The following VWC2L variants were observed in gnomAD, a reference collection of about 807,000 sequenced individuals.
VWC2L encodes von Willebrand factor C domain-containing protein 2-like.
VWC2L carries 10 observed loss-of-function variants against 21.6 expected under a neutral mutation model. The ratio of observed to expected loss-of-function variants is 0.46; its 90% CI spans 0.29 to 0.78. The LOEUF is 0.78. VWC2L is among the 30% of genes least tolerant of loss of function. The pLI is 0.10. For synonymous variants in VWC2L, 96 were observed against 94.3 expected, an observed-to-expected ratio of 1.02 and a Z score of -0.10; for missense variants, 209 against 277.1, an observed-to-expected ratio of 0.75 and a Z score of 1.74.
At chr2:214,542,624 C>G in intron 3 of VWC2L, among the ~76,000 whole-genome samples, 1 of 152,330 alleles carries the variant, frequency 6.6e-6, no homozygotes, top group East Asian at 1.9e-4. Context: ...GTGCCCTAGG[C>G]AAGTGAAAAT....
intron 2 of VWC2L, among the ~76,000 whole-genome samples, chr2:214,422,689 C>T (rs949885946): frequency 6.6e-6 from 1 of 152,216 alleles, no homozygotes; most frequent in African/African-American, 2.4e-5. Context: ...GTCTAACACA[C>T]TTCCATTGTT....
intron 3 of VWC2L, among the ~76,000 whole-genome samples, chr2:214,447,997 A>G (rs1702865626): frequency 6.6e-6 from 1 of 152,048 alleles, no homozygotes; most frequent in Non-Finnish European, 1.5e-5. Context: ...CCACCAGGGT[A>G]TCCCTCAAAC....
At position 214,577,746 on chromosome 2, in the gene VWC2L, C is replaced by T. The variant is rs562173400; in HGVS notation, c.*1926C>T. ...TTTCATTTAAAATTGTCAGCCTCTC[C>T]TCCCTGGAAGCATCTGCTGTCATCA... On this transcript the variant is annotated 3_prime_UTR_variant, in exon 4 of 4. Coordinates refer to ENST00000312504, the MANE Select transcript of VWC2L (RefSeq NM_001080500.4). The T allele has an allele frequency of 1.3e-5, 2 of 152,300 alleles. No individual in the cohort carries two copies. Among genetic ancestry groups the T allele is most frequent in the Admixed American group, 1.3e-4 (2 of 15,282 alleles). 9.4% of individuals were successfully genotyped at this position (152,300 alleles called of 1,614,324 possible). A position where few individuals can be genotyped will look rare whatever the true frequency, so the allele number is the denominator to read the frequency against.
chr2:214,414,726 T>C (rs1488263552), intron 2 of VWC2L, 143 bp downstream of exon 2: 1 of 905,348 alleles, frequency 1.1e-6, no homozygotes, highest in Non-Finnish European at 1.6e-6. Context: ...TTACCATAAG[T>C]AGCACCATGG....
intron 3 of VWC2L, among the ~76,000 whole-genome samples, chr2:214,459,902 CTTTTTT>C (rs57351904): frequency 2.3e-5 from 2 of 85,160 alleles, no homozygotes; most frequent in East Asian, 3.6e-4. Flanking sequence ...TTTCCTTTGA[CTTTTTT>C]TTTTTTTTTT....
chr2:214,412,177 A>G (rs1465268374), intron 1 of VWC2L, among the ~76,000 whole-genome samples: 2 of 152,050 alleles, frequency 1.3e-5, no homozygotes, highest in African/African-American at 4.8e-5. Flanking sequence ...TTTACCTCTA[A>G]GTTTACATTT....
At chr2:214,420,220 T>C (rs1702419244) in intron 2 of VWC2L, among the ~76,000 whole-genome samples, 3 of 152,222 alleles carry the variant, frequency 2.0e-5, no homozygotes, top group African/African-American at 7.2e-5. Flanking sequence ...GGTGCCACAT[T>C]GTTAATGTCC....
intron 3 of VWC2L, among the ~76,000 whole-genome samples, chr2:214,516,492 A>G (rs1037558739): frequency 6.6e-6 from 1 of 152,128 alleles, no homozygotes; most frequent in Admixed American, 6.5e-5. Context: ...GTTTTGTCAC[A>G]ATTTATAGAA....
At chr2:214,509,218 T>C (rs938149807) in intron 3 of VWC2L, among the ~76,000 whole-genome samples, 3 of 152,190 alleles carry the variant, frequency 2.0e-5, no homozygotes, top group African/African-American at 7.2e-5. Flanking sequence ...TGAGACTGAA[T>C]TTTCCTAACG....
At chr2:214,556,493 A>C (rs1469248768) in intron 3 of VWC2L, among the ~76,000 whole-genome samples, 5 of 152,166 alleles carry the variant, frequency 3.3e-5, no homozygotes, top group African/African-American at 4.8e-5. Context: ...ATCTAGAAAC[A>C]TGAAGGGTCA....
At chr2:214,554,157 A>G (rs1689838940) in intron 3 of VWC2L, among the ~76,000 whole-genome samples, 2 of 152,108 alleles carry the variant, frequency 1.3e-5, no homozygotes, top group Non-Finnish European at 2.9e-5. Flanking sequence ...TATATCCTCT[A>G]GGAAGCCTAC....
intron 3 of VWC2L, among the ~76,000 whole-genome samples, chr2:214,476,606 C>G (rs1346255106): frequency 4.6e-5 from 7 of 152,162 alleles, no homozygotes; most frequent in East Asian, 1.9e-4. Context: ...TGTATGACAG[C>G]AGGTGCTGAA....
At chr2:214,542,728 T>A (rs1192996479) in intron 3 of VWC2L, among the ~76,000 whole-genome samples, 2 of 152,072 alleles carry the variant, frequency 1.3e-5, no homozygotes, top group Non-Finnish European at 2.9e-5. Context: ...ACCTTCACAC[T>A]CTCTCCGCCT....
intron 3 of VWC2L, among the ~76,000 whole-genome samples, chr2:214,482,896 G>A (rs975668283): frequency 6.6e-6 from 1 of 152,072 alleles, no homozygotes; most frequent in African/African-American, 2.4e-5. Flanking sequence ...CCCCATTCGA[G>A]GGGGCGGGGC....
intron 2 of VWC2L, among the ~76,000 whole-genome samples, chr2:214,417,071 C>G (rs538473894): frequency 6.6e-6 from 1 of 152,186 alleles, no homozygotes; most frequent in East Asian, 1.9e-4. Flanking sequence ...TAAATATTAG[C>G]CATAATCTGT....
At chr2:214,561,798 A>G (rs1423845137) in intron 3 of VWC2L, among the ~76,000 whole-genome samples, 14 of 10,894 alleles carry the variant, frequency 1.3e-3, no homozygotes, top group Non-Finnish European at 5.1e-3. Flanking sequence ...ATATATATAT[A>G]TATATATATA....
At chr2:214,526,613 T>C (rs2105913912) in intron 3 of VWC2L, among the ~76,000 whole-genome samples, 1 of 152,342 alleles carries the variant, frequency 6.6e-6, no homozygotes, top group East Asian at 1.9e-4. Flanking sequence ...CTAGAAGGGA[T>C]AGGGAAAATT....
At chr2:214,525,799 C>A (rs13417516) in intron 3 of VWC2L, among the ~76,000 whole-genome samples, 4 of 151,980 alleles carry the variant, frequency 2.6e-5, no homozygotes, top group African/African-American at 7.3e-5. Context: ...ATTGAAGGAA[C>A]CTTTTGCTTT....
intron 3 of VWC2L, among the ~76,000 whole-genome samples, chr2:214,440,213 G>T (rs758104729): frequency 6.6e-6 from 1 of 151,984 alleles, no homozygotes; most frequent in Non-Finnish European, 1.5e-5. Flanking sequence ...TGACTGGACA[G>T]AGTCTATGTA....
Sources: gnomAD v4.1 joint callset for allele counts (sites outside exome capture counted in the v4.1 genomes callset) on GRCh38, gnomAD v4.1.1 for gene constraint, MANE v1.5 for transcripts, NCBI Gene and HGNC (gene_info 2026-07-23, HGNC 2026-07-21) for gene names.